The following CFAP54 variants were observed in gnomAD, a reference collection of about 807,000 sequenced individuals.
CFAP54 encodes cilia- and flagella-associated protein 54.
CFAP54 carries 290 observed loss-of-function variants against 370.4 expected under a neutral mutation model. The observed-to-expected ratio is 0.78, with a 90% CI of 0.71 to 0.86. The LOEUF (loss-of-function observed/expected upper bound fraction) is 0.86, where lower values mean the gene tolerates loss of function less well. CFAP54 is among the 40% of genes least tolerant of loss of function. CFAP54 has a pLI of 0.00. For missense variants in CFAP54, 3,399 were observed against 3,528.7 expected, an observed-to-expected ratio of 0.96 and a Z score of 0.93; for synonymous variants, 1,206 against 1,236.5, an observed-to-expected ratio of 0.98 and a Z score of 0.52.
intron 43 of CFAP54, among the ~76,000 whole-genome samples, chr12:96,689,375 G>C (rs1265244871): frequency 1.3e-5 from 2 of 152,198 alleles, no homozygotes; most frequent in African/African-American, 4.8e-5. Flanking sequence ...TGGCCAGGCT[G>C]GTCTCAAACT....
rs1448521959 is a variant in CFAP54 at position 96,792,516 on chromosome 12, T to C, written c.8850+17T>C. 22 of 1,499,206 alleles carry C rather than the reference T, an allele frequency of 1.5e-5. No individual in the cohort carries two copies. The highest frequency in any genetic ancestry group is 1.7e-4 in the Middle Eastern group (1 of 5,872). 92.9% of individuals were successfully genotyped at this position (1,499,206 alleles called of 1,614,324 possible). ...GAACCTATGGTATGTAATGTACTTA[T>C]AGAACTCAATATTTCATTTATATAT... On this transcript the variant is annotated intron_variant, in intron 63 of 67. Coordinates refer to ENST00000524981, the MANE Select transcript of CFAP54 (RefSeq NM_001306084.2).
chr12:96,561,848 C>T lies in CFAP54; in HGVS notation c.2411-2620C>T, dbSNP rs184759111. On this transcript the variant is annotated intron_variant, in intron 17 of 67. Transcript: ENST00000524981. The stretch of plus-strand genomic sequence containing the variant: ...GGAGTGGTGCGATCACCCAGTGGTG[C>T]GATCTCAGCTCACTGCAACCTCGGC... Among the ~76,000 whole-genome samples the T allele has an allele frequency of 2.7e-3, 382 of 139,780 alleles. 2 individuals carry two copies. The highest frequency in any genetic ancestry group is 3.1e-3 in the Non-Finnish European group (205 of 66,326). The allele number at this position is 139,780 out of a possible 152,430, so 91.7% of individuals were successfully genotyped here.
chr12:96,673,221 G>C (rs1957168802), intron 39 of CFAP54, among the ~76,000 whole-genome samples: 1 of 152,172 alleles, frequency 6.6e-6, no homozygotes, highest in Admixed American at 6.5e-5. Context: ...TTGCACATGA[G>C]AAAATTAAAC....
chr12:96,647,791 T>A, intron 33 of CFAP54, 84 bp from the exon 34 acceptor site: 2 of 1,292,358 alleles, frequency 1.5e-6, no homozygotes, highest in African/African-American at 1.6e-5. Context: ...ACAAATGTTT[T>A]AAAAATAAAA....
chr12:96,595,417 G>A (rs960298889), intron 25 of CFAP54, among the ~76,000 whole-genome samples: 2 of 152,146 alleles, frequency 1.3e-5, no homozygotes, highest in Non-Finnish European at 2.9e-5. Context: ...AATGAGAGAT[G>A]TAAGATTTTG....
rs535428046 is a variant in CFAP54 at position 96,626,917 on chromosome 12, C to G, written c.4081C>G (p.Pro1361Ala). The change falls in exon 30 of 68, where the codon CCT becomes GCT. Residue 1361 changes from proline to alanine, a missense_variant. Coordinates refer to ENST00000524981, the MANE Select transcript of CFAP54 (RefSeq NM_001306084.2). ...KFHLMVEVTTPVHDFLKRRNE... is the reference protein window; with the variant it reads ...KFHLMVEVTTAVHDFLKRRNE... ...TCATCTTATGGTAGAGGTAACAACTCCTGTCCATGACTTCTTGAAAAGGTA... is the reference window on the plus strand; with the variant it reads ...TCATCTTATGGTAGAGGTAACAACTGCTGTCCATGACTTCTTGAAAAGGTA... The G allele has an allele frequency of 7.1e-7, 1 of 1,411,940 alleles. No homozygotes were observed. The allele number at this position is 1,411,940 out of a possible 1,614,324, so 87.5% of individuals were successfully genotyped here. A position where few individuals can be genotyped will look rare whatever the true frequency, so the allele number is the denominator to read the frequency against.
chr12:96,547,786 G>C (rs1033774052), intron 14 of CFAP54, 116 bp from the exon 15 acceptor site: 1 of 401,158 alleles, frequency 2.5e-6, no homozygotes. Flanking sequence ...TTCTTCTTTC[G>C]TTTCCTCCTC....
chr12:96,861,700 G>A (rs1342732803), intron 67 of CFAP54, among the ~76,000 whole-genome samples: 1 of 152,150 alleles, frequency 6.6e-6, no homozygotes, highest in Non-Finnish European at 1.5e-5. Context: ...CTGTAAAATG[G>A]GGATGTTGGT....
chr12:96,633,036 A>T (rs367560386), intron 32 of CFAP54, among the ~76,000 whole-genome samples: 11 of 152,198 alleles, frequency 7.2e-5, no homozygotes, highest in African/African-American at 2.6e-4. Flanking sequence ...TATTCTTTGT[A>T]TAGGTGTATA....
chr12:96,591,475 G>A (rs1956123635), intron 23 of CFAP54, among the ~76,000 whole-genome samples: 1 of 152,200 alleles, frequency 6.6e-6, no homozygotes, highest in Non-Finnish European at 1.5e-5. Context: ...GGAGTGTGGA[G>A]AAAAGGCAGC....
intron 63 of CFAP54, among the ~76,000 whole-genome samples, chr12:96,794,696 C>T (rs547151489): frequency 6.6e-6 from 1 of 152,264 alleles, no homozygotes; most frequent in African/African-American, 2.4e-5. Flanking sequence ...CTGGTGCCTC[C>T]TTGAGTAGCT....
At chr12:96,595,373 G>A (rs967130529) in intron 25 of CFAP54, among the ~76,000 whole-genome samples, 8 of 152,126 alleles carry the variant, frequency 5.3e-5, no homozygotes, top group Admixed American at 1.3e-4. Flanking sequence ...GAATCTTGGG[G>A]ACCATCTTAG....
intron 67 of CFAP54, among the ~76,000 whole-genome samples, chr12:96,869,850 G>A (rs1480472168): frequency 3.4e-5 from 5 of 146,302 alleles, no homozygotes; most frequent in South Asian, 2.2e-4. Flanking sequence ...CAGGAGAATC[G>A]CTTGAACCTG....
chr12:96,689,968 C>T (rs545920842), intron 43 of CFAP54, among the ~76,000 whole-genome samples: 7 of 152,230 alleles, frequency 4.6e-5, no homozygotes, highest in South Asian at 2.1e-4. Flanking sequence ...ATGTTCCTTA[C>T]GCCTCTTGCC....
Position 96,626,957 on chromosome 12 carries a change from T to C in CFAP54, c.4103+18T>C. ...TTGAAAAGGTACTTGCAATTATCAG[T>C]GTTATACATGTTAACAACTTTAAAA... On this transcript the variant is annotated intron_variant, in intron 30 of 67. Coordinates refer to ENST00000524981, the MANE Select transcript of CFAP54 (RefSeq NM_001306084.2). 2 of 1,290,806 alleles carry C rather than the reference T, an allele frequency of 1.5e-6. No homozygotes were observed. Among genetic ancestry groups the C allele is most frequent in the East Asian group, 2.7e-5 (1 of 36,904 alleles). The allele number at this position is 1,290,806 out of a possible 1,614,324, so 80.0% of individuals were successfully genotyped here. A position where few individuals can be genotyped will look rare whatever the true frequency, so the allele number is the denominator to read the frequency against.
intron 22 of CFAP54, among the ~76,000 whole-genome samples, chr12:96,589,072 C>G (rs1361572665): frequency 6.6e-6 from 1 of 152,154 alleles, no homozygotes; most frequent in Non-Finnish European, 1.5e-5. Flanking sequence ...TTCATTATAA[C>G]AGTATCTATA....
In CFAP54 at chr12:96,750,917, A is replaced by G. The variant is rs188104579; in HGVS notation, c.7685-2826A>G. Among the ~76,000 whole-genome samples, 10 of 152,328 alleles carry G rather than the reference A, an allele frequency of 6.6e-5. No homozygotes were observed. The East Asian group carries it at 1.9e-3, about 29-fold the overall frequency. ...AGAGTTGATATTTACTGGAAAAAGG[A>G]GCACTTAAATATTATAAAGCATAAA... On this transcript the variant is annotated intron_variant, in intron 55 of 67. Coordinates refer to ENST00000524981, the MANE Select transcript of CFAP54 (RefSeq NM_001306084.2).
At chr12:96,592,249 T>G (rs1385754176) in intron 23 of CFAP54, among the ~76,000 whole-genome samples, 1 of 152,224 alleles carries the variant, frequency 6.6e-6, no homozygotes, top group Non-Finnish European at 1.5e-5. Flanking sequence ...TGATAAAAAA[T>G]AACTTTATGT....
intron 66 of CFAP54, among the ~76,000 whole-genome samples, chr12:96,853,540 A>C (rs1565761948): frequency 6.6e-6 from 1 of 152,192 alleles, no homozygotes; most frequent in Non-Finnish European, 1.5e-5. Flanking sequence ...ATTCAATCAG[A>C]AGAATTTTTA....
Sources: gnomAD v4.1 joint callset for allele counts (sites outside exome capture counted in the v4.1 genomes callset) on GRCh38, gnomAD v4.1.1 for gene constraint, MANE v1.5 for transcripts, NCBI Gene and HGNC (gene_info 2026-07-23, HGNC 2026-07-21) for gene names.